The following ST7 variants were observed in gnomAD, a reference collection of about 807,000 sequenced individuals.
ST7 encodes suppressor of tumorigenicity 7 protein.
A neutral mutation model predicts 78.7 loss-of-function variants in ST7; 28 were observed. The observed-to-expected ratio is 0.36, with a 90% CI of 0.26 to 0.49. The LOEUF (loss-of-function observed/expected upper bound fraction) is 0.49. ST7 is among the 20% of genes least tolerant of loss of function. The pLI is 0.99. For missense variants in ST7, 418 were observed against 696.0 expected, an observed-to-expected ratio of 0.60 and a Z score of 4.49; for synonymous variants, 247 against 249.6, an observed-to-expected ratio of 0.99 and a Z score of 0.10.
chr7:117,118,385 G>A (rs181843211), intron 2 of ST7: 39 of 152,236 alleles, frequency 2.6e-4, no homozygotes, highest in African/African-American at 8.9e-4. Context: ...TTATAGGATT[G>A]GAAACATTTC....
intron 1 of ST7, among the ~76,000 whole-genome samples, chr7:117,098,376 ATTC>A (rs2116779700): frequency 6.6e-6 from 1 of 152,142 alleles, no homozygotes; most frequent in African/African-American, 2.4e-5. Context: ...ACTTTTAGTT[ATTC>A]TTCAGGATTC....
chr7:117,138,422 T>A lies in ST7; in HGVS notation c.866-13T>A. ...TTTTTTTAAATGTTGGTGTTTTATA[T>A]CTCCCTCTTCAGGACGAGACACCAA... is the stretch of plus-strand genomic sequence containing the variant. On this transcript the variant is annotated splice_polypyrimidine_tract_variant and intron_variant, in intron 8 of 15. Transcript: ENST00000323984. The A allele has an allele frequency of 6.4e-7, 1 of 1,553,448 alleles. No homozygotes were observed. Among genetic ancestry groups the A allele is most frequent in the Non-Finnish European group, 8.8e-7 (1 of 1,140,594 alleles).
In ST7 at chr7:117,002,704, A is replaced by G. The variant is rs148538813; in HGVS notation, c.151+49013A>G. Among the ~76,000 whole-genome samples, 97 of 151,074 alleles carry G rather than the reference A, an allele frequency of 6.4e-4. No homozygotes were observed. In the East Asian group the frequency reaches 9.0e-3, roughly 14 times the overall value. On this transcript the variant is annotated intron_variant, in intron 1 of 15. Coordinates refer to ENST00000323984, the MANE Select transcript of ST7 (RefSeq NM_001369598.1). ...GTGTTAAAGGCAGAATCTCTTCACTATGAACCACTGAATGAAGAAATTATG... is the reference window on the plus strand; with the variant it reads ...GTGTTAAAGGCAGAATCTCTTCACTGTGAACCACTGAATGAAGAAATTATG...
chr7:117,055,223 G>A (rs1798000913), intron 1 of ST7, among the ~76,000 whole-genome samples: 1 of 151,760 alleles, frequency 6.6e-6, no homozygotes. Flanking sequence ...TATTTTTTAA[G>A]ATGGAGTCTT....
At chr7:117,157,179 G>A (rs556803537) in intron 9 of ST7, among the ~76,000 whole-genome samples, 62 of 152,306 alleles carry the variant, frequency 4.1e-4, no homozygotes, top group Non-Finnish European at 7.5e-4. Flanking sequence ...ATGAGCTTCT[G>A]AGGGGCAAGA....
intron 15 of ST7, among the ~76,000 whole-genome samples, chr7:117,226,795 C>T (rs960992679): frequency 2.0e-5 from 3 of 152,032 alleles, no homozygotes; most frequent in Admixed American, 6.5e-5. Context: ...AAATTAGGCC[C>T]TCTAGGAAAA....
chr7:117,059,039 G>A (rs1020971588), intron 1 of ST7, among the ~76,000 whole-genome samples: 21 of 152,188 alleles, frequency 1.4e-4, no homozygotes, highest in African/African-American at 5.1e-4. Flanking sequence ...ATGGTTACCA[G>A]AGATTGGGAA....
chr7:117,228,088 C>T (rs1793563717), intron 15 of ST7, among the ~76,000 whole-genome samples: 1 of 152,166 alleles, frequency 6.6e-6, no homozygotes, highest in African/African-American at 2.4e-5. Context: ...GTTTATTGAG[C>T]CTGGAGGGCC....
At chr7:117,025,486 G>A (rs1406029544) in intron 1 of ST7, among the ~76,000 whole-genome samples, 1 of 152,042 alleles carries the variant, frequency 6.6e-6, no homozygotes, top group African/African-American at 2.4e-5. Flanking sequence ...AGCTGCATCG[G>A]ATTTTAGATG....
intron 10 of ST7, among the ~76,000 whole-genome samples, chr7:117,180,956 ATTTG>A (rs762338263): frequency 1.1e-4 from 17 of 152,252 alleles, no homozygotes; most frequent in Admixed American, 2.0e-4. Flanking sequence ...CCAGCCTTTT[ATTTG>A]TTTATTTTAA....
rs2429043 is a variant in ST7 at position 117,075,740 on chromosome 7, A to G, written c.152-24022A>G. 5.9e-3 allele frequency among the ~76,000 whole-genome samples: 901 copies of G among 152,356 alleles called. 9 individuals carry two copies. Among genetic ancestry groups the G allele is most frequent in the Non-Finnish European group, 8.7e-3 (589 of 68,036 alleles). On this transcript the variant is annotated intron_variant, in intron 1 of 15. Transcript: ENST00000323984. ...AATTGCAGGGGATTCCCATAAGTCA[A>G]TAATTTATCCTGATCTTTCTCAAAA...
At chr7:117,014,697 T>A (rs1376700480) in intron 1 of ST7, among the ~76,000 whole-genome samples, 1 of 152,238 alleles carries the variant, frequency 6.6e-6, no homozygotes, top group Non-Finnish European at 1.5e-5. Context: ...TTTTTTCTCT[T>A]ATTTAGAGTT....
intron 8 of ST7, among the ~76,000 whole-genome samples, chr7:117,138,198 T>G (rs987648616): frequency 1.3e-5 from 2 of 152,178 alleles, no homozygotes; most frequent in Non-Finnish European, 2.9e-5. Flanking sequence ...CGCAGCACTT[T>G]GTGGCAGATG....
intron 1 of ST7, among the ~76,000 whole-genome samples, chr7:116,984,546 A>G (rs1482656900): frequency 6.6e-6 from 1 of 152,148 alleles, no homozygotes; most frequent in Non-Finnish European, 1.5e-5. Flanking sequence ...ACCCAGTAAT[A>G]GATGGCAGGG....
intron 1 of ST7, among the ~76,000 whole-genome samples, chr7:116,979,848 A>G (rs758871616): frequency 1.3e-5 from 2 of 151,488 alleles, no homozygotes; most frequent in Non-Finnish European, 2.9e-5. Flanking sequence ...CTGGCTTGAT[A>G]CTCACTGCTT....
At chr7:116,966,247 CTTTTTTTTTTT>C (rs374887005) in intron 1 of ST7, 3 of 177,874 alleles carry the variant, frequency 1.7e-5, no homozygotes, top group South Asian at 7.2e-5. Context: ...TTTTTTCTTT[CTTTTTTTTTTT>C]TTTTTTTTTA....
At chr7:116,979,670 ACAGTAATCTCC>A (rs1451113928) in intron 1 of ST7, among the ~76,000 whole-genome samples, 1 of 152,176 alleles carries the variant, frequency 6.6e-6, no homozygotes, top group Non-Finnish European at 1.5e-5. Context: ...TAATCTTATT[ACAGTAATCTCC>A]CAACTGGTCT....
At chr7:117,149,493 G>A (rs189967011) in intron 9 of ST7, among the ~76,000 whole-genome samples, 70 of 151,918 alleles carry the variant, frequency 4.6e-4, no homozygotes, top group South Asian at 1.9e-3. Context: ...CTACTCTGAT[G>A]GGCTCCTCTG....
chr7:116,968,747 AG>A, intron 1 of ST7, among the ~76,000 whole-genome samples: 1 of 152,252 alleles, frequency 6.6e-6, no homozygotes, highest in South Asian at 2.1e-4. Flanking sequence ...TACCAAAACA[AG>A]GGGATGAGAG....
Sources: allele counts gnomAD v4.1 joint callset (sites outside exome capture counted in the v4.1 genomes callset), GRCh38; gene constraint gnomAD v4.1.1; transcripts MANE v1.5; gene names NCBI Gene and HGNC (gene_info 2026-07-23, HGNC 2026-07-21).